ZFYVE9: variants seen among roughly 807,000 people sequenced by gnomAD.
ZFYVE9 encodes zinc finger FYVE domain-containing protein 9.
In ZFYVE9, 43 loss-of-function variants were observed where a neutral mutation model predicts 126.7. The observed-to-expected ratio is 0.34, with a 90% CI of 0.27 to 0.44. The LOEUF is 0.44. ZFYVE9 is among the 20% of genes least tolerant of loss of function. ZFYVE9 has a pLI of 1.00. For synonymous variants in ZFYVE9, 521 were observed against 597.4 expected (o/e 0.87, Z 1.87); for missense variants, 1,476 against 1,697.0 (o/e 0.87, Z 2.29).
chr1:52,334,580 T>C (rs1471386693), intron 14 of ZFYVE9, 108 bp from the exon 15 acceptor site: 5 of 1,146,308 alleles, frequency 4.4e-6, no homozygotes, highest in Non-Finnish European at 6.3e-6. Context: ...TTTTAAAATT[T>C]TCTGTGTGAT....
At chr1:52,228,733 A>G (rs983179017) in intron 2 of ZFYVE9, among the ~76,000 whole-genome samples, 3 of 152,126 alleles carry the variant, frequency 2.0e-5, no homozygotes, top group East Asian at 1.9e-4. Flanking sequence ...GTGTCACCCA[A>G]TGTATCGTCC....
intron 1 of ZFYVE9, among the ~76,000 whole-genome samples, chr1:52,158,162 C>T (rs1644420410): frequency 6.6e-6 from 1 of 152,192 alleles, no homozygotes; most frequent in East Asian, 1.9e-4. Context: ...GCCCCTTTCT[C>T]AACCAGTAAA....
intron 13 of ZFYVE9, among the ~76,000 whole-genome samples, chr1:52,329,058 A>T (rs1646316345): frequency 6.6e-6 from 1 of 152,232 alleles, no homozygotes; most frequent in African/African-American, 2.4e-5. Context: ...GAAAGTAATT[A>T]AAGACCTGTG....
At chr1:52,255,583 C>CA (rs753995875) in intron 4 of ZFYVE9, among the ~76,000 whole-genome samples, 6,254 of 73,660 alleles carry the variant, frequency 0.085, 290 homozygotes, top group African/African-American at 0.2. Context: ...AAAACCATCT[C>CA]AAAAAAAAAA....
chr1:52,258,205 G>A (rs894108150), intron 4 of ZFYVE9, among the ~76,000 whole-genome samples: 16 of 152,138 alleles, frequency 1.1e-4, no homozygotes, highest in Non-Finnish European at 2.2e-4. Flanking sequence ...TTCAATCAGT[G>A]CAGTAGATTG....
intron 13 of ZFYVE9, among the ~76,000 whole-genome samples, chr1:52,326,244 T>C (rs1231194689): frequency 1.3e-5 from 2 of 152,234 alleles, no homozygotes; most frequent in South Asian, 4.1e-4. Context: ...CATTATCTTA[T>C]AAGAGGTATA....
rs751646225 is a variant in ZFYVE9, at chr1:52,238,461, G to C, written c.1044G>C (p.Gly348=). 6.2e-7 allele frequency: 1 copy of C among 1,614,104 alleles called. No homozygotes were observed. Among genetic ancestry groups the C allele is most frequent in the African/African-American group, 1.3e-5 (1 of 75,034 alleles). ...PLLLKPDMPN[G]SGRNNDCERC... is the part of the protein sequence containing the mutation. ...TTCTCAAACCAGACATGCCTAATGG[G>C]TCTGGAAGGAATAATGACTGTGAAC... is the stretch of plus-strand genomic sequence containing the variant. Residue 348 remains glycine, a synonymous_variant, in exon 4 of 19, where the codon GGG becomes GGC. Transcript: ENST00000287727.
At chr1:52,296,117 A>G (rs1247102862) in intron 12 of ZFYVE9, 140 bp downstream of exon 12, 3 of 571,718 alleles carry the variant, frequency 5.2e-6, no homozygotes, top group East Asian at 6.4e-5. Context: ...AAAGAACAGT[A>G]TATGTATGTG....
chr1:52,143,967 T>G (rs1254468651), intron 1 of ZFYVE9, among the ~76,000 whole-genome samples: 1 of 152,172 alleles, frequency 6.6e-6, no homozygotes, highest in Non-Finnish European at 1.5e-5. Flanking sequence ...TCTCGATTTT[T>G]AAAAGTCTAA....
At position 52,246,811 on chromosome 1, in the gene ZFYVE9, G is replaced by A. The variant is rs138894761; in HGVS notation, c.2178+7216G>A. Among the ~76,000 whole-genome samples, 1,055 of 150,814 alleles carry A rather than the reference G, an allele frequency of 7.0e-3. 14 individuals carry two copies. The highest frequency in any genetic ancestry group is 0.024 in the African/African-American group (1,002 of 40,944). On this transcript the variant is annotated intron_variant, in intron 4 of 18. Coordinates refer to ENST00000287727, the MANE Select transcript of ZFYVE9 (RefSeq NM_004799.4). ...CAACCTCTACCTCCTGGGTTCAAGCGATTCTCCTGCCTCAGCCTCCTAAGT... is the reference window on the plus strand; with the variant it reads ...CAACCTCTACCTCCTGGGTTCAAGCAATTCTCCTGCCTCAGCCTCCTAAGT...
chr1:52,268,713 G>A, intron 7 of ZFYVE9, 81 bp downstream of exon 7: 1 of 1,498,592 alleles, frequency 6.7e-7, no homozygotes, highest in Non-Finnish European at 9.0e-7. Flanking sequence ...ACTTTTGTGT[G>A]GAACTCTGTA....
chr1:52,173,260 CAT>C (rs2124527603), intron 1 of ZFYVE9, among the ~76,000 whole-genome samples: 1 of 152,156 alleles, frequency 6.6e-6, no homozygotes. Context: ...CTGAGATAAT[CAT>C]GTGGTTTTTG....
intron 4 of ZFYVE9, among the ~76,000 whole-genome samples, chr1:52,258,143 A>G (rs1030312292): frequency 4.6e-5 from 7 of 152,246 alleles, no homozygotes; most frequent in Admixed American, 2.0e-4. Context: ...AAAATAATTT[A>G]GCTCATTATT....
chr1:52,171,020 C>CT (rs1398593099), intron 1 of ZFYVE9, among the ~76,000 whole-genome samples: 1 of 150,412 alleles, frequency 6.6e-6, no homozygotes, highest in African/African-American at 2.5e-5. Context: ...TTTAATTATA[C>CT]TTTAAGTTTT....
At chr1:52,165,169 G>A (rs1256520878) in intron 1 of ZFYVE9, among the ~76,000 whole-genome samples, 2 of 152,042 alleles carry the variant, frequency 1.3e-5, no homozygotes, top group Non-Finnish European at 2.9e-5. Flanking sequence ...AATGTTAAGG[G>A]ACCCCACTGC....
At chr1:52,202,966 G>A (rs1010433853) in intron 1 of ZFYVE9, among the ~76,000 whole-genome samples, 3 of 151,652 alleles carry the variant, frequency 2.0e-5, no homozygotes, top group Non-Finnish European at 4.4e-5. Flanking sequence ...GATTACAGGC[G>A]TGAGCCACCG....
At chr1:52,187,057 C>T (rs975752717) in intron 1 of ZFYVE9, among the ~76,000 whole-genome samples, 4 of 152,092 alleles carry the variant, frequency 2.6e-5, no homozygotes, top group Admixed American at 6.6e-5. Context: ...CATATTACCC[C>T]ACTCAAACTA....
At chr1:52,344,986 A>G in intron 18 of ZFYVE9, 42 bp downstream of exon 18, 2 of 1,604,514 alleles carry the variant, frequency 1.2e-6, no homozygotes, top group Non-Finnish European at 1.7e-6. Flanking sequence ...GGCCTTGGGC[A>G]ACGTCTGTAT....
intron 15 of ZFYVE9, 120 bp downstream of exon 15, chr1:52,334,888 G>A: frequency 1.0e-6 from 1 of 961,258 alleles, no homozygotes; most frequent in Non-Finnish European, 1.6e-6. Flanking sequence ...CATCTCTTCA[G>A]CAAATTAAAA....
Sources: allele counts gnomAD v4.1 joint callset (sites outside exome capture counted in the v4.1 genomes callset), GRCh38; gene constraint gnomAD v4.1.1; transcripts MANE v1.5; gene names NCBI Gene and HGNC (gene_info 2026-07-23, HGNC 2026-07-21).